The following MEAK7 variants were observed in gnomAD, a reference collection of about 807,000 sequenced individuals.
The protein encoded by MEAK7 is MTOR-associated protein MEAK7.
A neutral mutation model predicts 40.5 loss-of-function variants in MEAK7; 68 were observed. The ratio of observed to expected loss-of-function variants is 1.68; its 90% confidence interval spans 1.38 to 2.06. The LOEUF is 2.06. Among genes scored for constraint, MEAK7 ranks in the 30% most tolerant of loss-of-function variants. The pLI, the probability that MEAK7 is intolerant of heterozygous loss-of-function variation, is 0.00. For synonymous variants in MEAK7, 338 were observed against 231.9 expected, an observed-to-expected ratio of 1.46 and a Z score of -4.16; for missense variants, 918 against 580.5, an observed-to-expected ratio of 1.58 and a Z score of -5.98.
chr16:84,477,012 C>T lies in MEAK7; in HGVS notation c.*2901G>A, dbSNP rs1346300505. On this transcript the variant is annotated 3_prime_UTR_variant, in exon 8 of 8. Transcript: ENST00000343629. ...GCCTAAATGATCCTCACACCTCAGC[C>T]TCCCAAGTAGCTAGGACCACAGGCA... 6.6e-6 allele frequency: 1 copy of T among 152,254 alleles called. No individual in the cohort carries two copies. Among genetic ancestry groups the T allele is most frequent in the Non-Finnish European group, 1.5e-5 (1 of 68,096 alleles). The allele number at this position is 152,254 out of a possible 1,614,324, so 9.4% of individuals were successfully genotyped here. A position where few individuals can be genotyped will look rare whatever the true frequency, so the allele number is the denominator to read the frequency against.
intron 3 of MEAK7, among the ~76,000 whole-genome samples, chr16:84,489,947 G>C (rs906236695): frequency 5.9e-5 from 9 of 152,168 alleles, no homozygotes; most frequent in Admixed American, 5.9e-4. Context: ...AGATGGCAGA[G>C]GGCAGTCTGC....
chr16:84,495,700 C>G lies in MEAK7; in HGVS notation c.367G>C (p.Ala123Pro). The G allele has an allele frequency of 6.2e-7, 1 of 1,614,136 alleles. No homozygotes were observed. The highest frequency in any genetic ancestry group is 8.5e-7 in the Non-Finnish European group (1 of 1,180,036). Residue 123 changes from alanine to proline, a missense_variant, in exon 3 of 8, where the codon GCC (alanine) becomes CCC (proline). Coordinates refer to ENST00000343629, the MANE Select transcript of MEAK7 (RefSeq NM_020947.4). The stretch of plus-strand genomic sequence containing the variant: ...CTCACTACCTTTTGGACTTCTCTGG[C>G]CTTCACGGGACCTTCTGTGGCAGAA... ...MISATEGPVK[A>P]REVQKFTEDL...
chr16:84,484,627 G>T (rs1912873308), intron 5 of MEAK7, among the ~76,000 whole-genome samples: 1 of 152,170 alleles, frequency 6.6e-6, no homozygotes, highest in East Asian at 1.9e-4. Flanking sequence ...TACCCCGCAG[G>T]GAAATATCCT....
intron 4 of MEAK7, 101 bp downstream of exon 4, chr16:84,489,177 G>A (rs377389661): frequency 1.1e-5 from 15 of 1,400,000 alleles, no homozygotes; most frequent in African/African-American, 1.0e-4. Context: ...GAGGGCTCAC[G>A]CATTCTGGTT....
intron 2 of MEAK7, chr16:84,497,178 C>G (rs994363953): frequency 6.1e-6 from 2 of 328,020 alleles, no homozygotes; most frequent in African/African-American, 4.3e-5. Flanking sequence ...GCTGCACATT[C>G]TAGAAGAGGG....
At chr16:84,499,328 G>A (rs1031299070) in intron 1 of MEAK7, among the ~76,000 whole-genome samples, 1 of 152,140 alleles carries the variant, frequency 6.6e-6, no homozygotes, top group African/African-American at 2.4e-5. Flanking sequence ...GAGACTGCTG[G>A]AGAGAAAACG....
chr16:84,496,091 T>C (rs1914024163), intron 2 of MEAK7, among the ~76,000 whole-genome samples, 178 bp from the exon 3 acceptor site: 1 of 152,206 alleles, frequency 6.6e-6, no homozygotes, highest in South Asian at 2.1e-4. Flanking sequence ...GGCCGGAAAC[T>C]TTGATATGCA....
intron 6 of MEAK7, 142 bp downstream of exon 6, chr16:84,482,450 A>G: frequency 7.2e-7 from 1 of 1,394,364 alleles, no homozygotes; most frequent in Non-Finnish European, 9.8e-7. Context: ...CCGGCCCTGG[A>G]AACAGAAGGA....
Position 84,498,067 on chromosome 16 carries a change from C to T in MEAK7, c.20G>A (p.Arg7His), listed in dbSNP as rs772813039. The change falls in exon 2 of 8, where the codon CGT (arginine) becomes CAT (histidine). Residue 7 changes from arginine to histidine, a missense_variant. By Grantham distance (29) the Arg-to-His change is conservative (BLOSUM62 0). Transcript: ENST00000343629. Reference sequence around the variant, plus strand: ...CTGTGAACAAAAGCTCCGCCCCACACGGCTTCTGCTGTTCCCCATCTGTCC... The same window carrying T: ...CTGTGAACAAAAGCTCCGCCCCACATGGCTTCTGCTGTTCCCCATCTGTCC... MGNSRS[R>H]VGRSFCSQFL... 40 of 1,612,442 alleles carry T rather than the reference C, an allele frequency of 2.5e-5. No individual in the cohort carries two copies. The East Asian group carries it at 3.1e-4, about 13-fold the overall frequency.
chr16:84,480,554 A>G lies in MEAK7; in HGVS notation c.1232T>C (p.Val411Ala), dbSNP rs769125399. The change falls in exon 7 of 8, where the codon GTT becomes GCT. Residue 411 changes from valine to alanine, a missense_variant. Val to Ala is a moderately conservative substitution (Grantham distance 64). Coordinates refer to ENST00000343629, the MANE Select transcript of MEAK7 (RefSeq NM_020947.4). ...CAACTGCTCCTCTGAGGGGTCTCCAACCGCCCACACCTCCATCTTATCAAA... is the reference window on the plus strand; with the variant it reads ...CAACTGCTCCTCTGAGGGGTCTCCAGCCGCCCACACCTCCATCTTATCAAA... ...FQFDKMEVWAVGDPSEEQLAK... is the reference protein window; with the variant it reads ...FQFDKMEVWAAGDPSEEQLAK... 1.2e-6 allele frequency: 2 copies of G among 1,612,668 alleles called. No individual in the cohort carries two copies. The highest frequency in any genetic ancestry group is 2.2e-5 in the East Asian group (1 of 44,840).
intron 3 of MEAK7, among the ~76,000 whole-genome samples, chr16:84,494,195 A>C (rs78234404): frequency 1.3e-5 from 2 of 152,220 alleles, no homozygotes; most frequent in Admixed American, 1.3e-4. Flanking sequence ...AGCTAAGTAT[A>C]ATTAGACTAC....
chr16:84,496,862 C>T (rs1914093046), intron 2 of MEAK7, among the ~76,000 whole-genome samples: 1 of 152,164 alleles, frequency 6.6e-6, no homozygotes, highest in African/African-American at 2.4e-5. Flanking sequence ...CATCTTCATT[C>T]TAGATTCTAG....
At chr16:84,497,209 G>A (rs1007978925) in intron 2 of MEAK7, 1 of 344,070 alleles carries the variant, frequency 2.9e-6, no homozygotes, top group African/African-American at 2.2e-5. Context: ...TAGGATGGCT[G>A]CCTGGACTCC....
intron 1 of MEAK7, among the ~76,000 whole-genome samples, chr16:84,498,585 T>C (rs1157026279): frequency 6.6e-6 from 1 of 152,036 alleles, no homozygotes; most frequent in East Asian, 1.9e-4. Flanking sequence ...AATATTGTTT[T>C]GATGTGACAG....
intron 5 of MEAK7, among the ~76,000 whole-genome samples, chr16:84,483,438 C>T (rs907233375): frequency 2.0e-5 from 3 of 152,204 alleles, no homozygotes; most frequent in African/African-American, 4.8e-5. Context: ...AAGGGCTGCC[C>T]GCCTCGACAC....
intron 6 of MEAK7, 113 bp downstream of exon 6, chr16:84,482,479 G>C: frequency 6.5e-7 from 1 of 1,536,578 alleles, no homozygotes; most frequent in East Asian, 2.3e-5. Flanking sequence ...TGGCGTGCGT[G>C]AGGAACTGAA....
At chr16:84,498,470 T>C (rs1168003415) in intron 1 of MEAK7, among the ~76,000 whole-genome samples, 1 of 151,778 alleles carries the variant, frequency 6.6e-6, no homozygotes, top group Non-Finnish European at 1.5e-5. Flanking sequence ...AGATGGGGTC[T>C]TGCTATGTTG....
In MEAK7 at chr16:84,487,036, G is replaced by A. The variant is rs1474766900; in HGVS notation, c.553C>T (p.Gln185Ter). ...LQDGKRLLGP[Q>*]WLDYDCDRAV... is the part of the protein sequence containing the mutation. ...CGGTCACAGTCATAGTCCAGCCACT[G>A]GGGCCCCAGAAGTCTCTTGCCATCT... Residue 185 changes from glutamine to a stop codon, truncating the protein, a stop_gained, in exon 5 of 8, where the codon CAG becomes TAG. Coordinates refer to ENST00000343629, the MANE Select transcript of MEAK7 (RefSeq NM_020947.4). LOFTEE classifies it high-confidence loss of function. 6.2e-7 allele frequency: 1 copy of A among 1,612,874 alleles called. No individual in the cohort carries two copies. The highest frequency in any genetic ancestry group is 8.5e-7 in the Non-Finnish European group (1 of 1,179,468).
chr16:84,482,146 G>A (rs955345707), intron 6 of MEAK7, among the ~76,000 whole-genome samples: 8 of 152,126 alleles, frequency 5.3e-5, no homozygotes, highest in African/African-American at 1.9e-4. Flanking sequence ...AAGCTGAAGC[G>A]AGGGCTGGAC....
Sources: gnomAD v4.1 joint callset for allele counts (sites outside exome capture counted in the v4.1 genomes callset) on GRCh38, gnomAD v4.1.1 for gene constraint, MANE v1.5 for transcripts, NCBI Gene and HGNC (gene_info 2026-07-23, HGNC 2026-07-21) for gene names.